Variants in FGF12 observed in about 807,000 individuals in gnomAD.
FGF12 encodes the protein fibroblast growth factor 12B.
FGF12 carries 14 observed loss-of-function variants against 23.6 expected under a neutral mutation model. The ratio of observed to expected loss-of-function variants is 0.59; its 90% CI spans 0.39 to 0.93. The LOEUF is 0.93. FGF12 is among the 40% of genes least tolerant of loss of function. FGF12 has a pLI of 0.00. For missense variants in FGF12, 175 were observed against 217.8 expected (o/e 0.80, Z 1.24); for synonymous variants, 62 against 77.3 (o/e 0.80, Z 1.04).
chr3:192,545,442 C>T (rs1352544054), intron 2 of FGF12, among the ~76,000 whole-genome samples: 1 of 152,212 alleles, frequency 6.6e-6, no homozygotes, highest in African/African-American at 2.4e-5. Flanking sequence ...CTTTCCTCCA[C>T]AACCACTGAT....
intron 2 of FGF12, among the ~76,000 whole-genome samples, chr3:192,668,314 AAAC>A (rs1305551511): frequency 1.3e-5 from 2 of 152,180 alleles, no homozygotes; most frequent in Non-Finnish European, 2.9e-5. Flanking sequence ...AGCGGAGACA[AAAC>A]TACTATTCTA....
At chr3:192,284,108 T>G (rs1248022695) in intron 4 of FGF12, among the ~76,000 whole-genome samples, 5 of 152,040 alleles carry the variant, frequency 3.3e-5, no homozygotes, top group African/African-American at 1.2e-4. Flanking sequence ...TACTAGACAC[T>G]TGCCACTAAT....
At chr3:192,330,924 C>T (rs1466960324) in intron 4 of FGF12, among the ~76,000 whole-genome samples, 1 of 152,044 alleles carries the variant, frequency 6.6e-6, no homozygotes, top group Non-Finnish European at 1.5e-5. Flanking sequence ...AGGTAGCCTA[C>T]AGAATGGGAG....
chr3:192,545,344 A>G (rs926885000), intron 2 of FGF12, among the ~76,000 whole-genome samples: 2 of 152,222 alleles, frequency 1.3e-5, no homozygotes, highest in Non-Finnish European at 2.9e-5. Flanking sequence ...GTGCATCCAC[A>G]TGATAAATGT....
chr3:192,599,617 A>T (rs1714023900), intron 2 of FGF12, among the ~76,000 whole-genome samples: 2 of 152,102 alleles, frequency 1.3e-5, no homozygotes, highest in South Asian at 4.1e-4. Context: ...GAGAGTAATT[A>T]TAATGGAGGG....
chr3:192,499,793 C>T (rs1253615228), intron 2 of FGF12, among the ~76,000 whole-genome samples: 1 of 151,580 alleles, frequency 6.6e-6, no homozygotes, highest in African/African-American at 2.4e-5. Context: ...TGTGATCCGC[C>T]CGCCTCAGCC....
intron 2 of FGF12, among the ~76,000 whole-genome samples, chr3:192,543,667 A>C (rs1725428458): frequency 6.6e-6 from 1 of 152,154 alleles, no homozygotes; most frequent in Non-Finnish European, 1.5e-5. Flanking sequence ...GCCCACAGCG[A>C]GTACTGCCCA....
chr3:192,208,022 C>T (rs1413173959), intron 4 of FGF12, among the ~76,000 whole-genome samples: 1 of 152,156 alleles, frequency 6.6e-6, no homozygotes, highest in African/African-American at 2.4e-5. Context: ...ATTTTAGGAT[C>T]CCAGAGTTCC....
chr3:192,475,556 A>G (rs1732384531), intron 2 of FGF12, among the ~76,000 whole-genome samples: 1 of 152,212 alleles, frequency 6.6e-6, no homozygotes, highest in South Asian at 2.1e-4. Context: ...GGAAAGCACA[A>G]ATTCAAAGAT....
At chr3:192,537,841 G>A (rs1337333163) in intron 2 of FGF12, among the ~76,000 whole-genome samples, 1 of 151,904 alleles carries the variant, frequency 6.6e-6, no homozygotes, top group East Asian at 1.9e-4. Context: ...GCCTGTGTTT[G>A]TGGGGTATTA....
chr3:192,154,135 T>C (rs1240489742), intron 5 of FGF12, among the ~76,000 whole-genome samples: 1 of 117,152 alleles, frequency 8.5e-6, no homozygotes, highest in Non-Finnish European at 1.8e-5. Context: ...ATTCTTCATG[T>C]AGTTCTCGAG....
chr3:192,415,732 TCACA>T (rs572589902), intron 2 of FGF12, among the ~76,000 whole-genome samples: 1,248 of 118,022 alleles, frequency 0.011, 14 homozygotes, highest in African/African-American at 0.026. Flanking sequence ...TCTCTCTCTC[TCACA>T]CACACACACA....
chr3:192,197,073 T>C (rs1260693034), intron 4 of FGF12, among the ~76,000 whole-genome samples: 2 of 152,164 alleles, frequency 1.3e-5, no homozygotes, highest in Non-Finnish European at 2.9e-5. Flanking sequence ...GAATTAATTA[T>C]CTAAAAATTA....
chr3:192,579,065 T>C (rs138135090), intron 2 of FGF12, among the ~76,000 whole-genome samples: 8 of 152,360 alleles, frequency 5.3e-5, no homozygotes, highest in Admixed American at 5.2e-4. Context: ...TTAATGATTT[T>C]CACTAGTTCT....
chr3:192,501,110 TA>T (rs1395946571), intron 2 of FGF12, among the ~76,000 whole-genome samples: 4 of 152,216 alleles, frequency 2.6e-5, no homozygotes, highest in African/African-American at 9.7e-5. Context: ...ATAATTTATA[TA>T]AATGTTTAAA....
At chr3:192,297,593 G>A (rs1174310647) in intron 4 of FGF12, among the ~76,000 whole-genome samples, 1 of 152,098 alleles carries the variant, frequency 6.6e-6, no homozygotes, top group Non-Finnish European at 1.5e-5. Flanking sequence ...ATACCACTTA[G>A]AATTTATATA....
Position 192,459,546 on chromosome 3 carries a change from A to C in FGF12, c.14-99008T>G, listed in dbSNP as rs141018397. Among the ~76,000 whole-genome samples the C allele has an allele frequency of 4.0e-3, 611 of 152,326 alleles. 3 individuals are homozygous for C. The highest frequency in any genetic ancestry group is 8.8e-3 in the Admixed American group (135 of 15,298). On this transcript the variant is annotated intron_variant, in intron 2 of 5. Transcript: ENST00000445105. ...TGATTGCTTCCATGTCTATGGCTAC[A>C]TTCCCATGGGAACCAGACATTTTAA... is the stretch of plus-strand genomic sequence containing the variant.
intron 2 of FGF12, among the ~76,000 whole-genome samples, chr3:192,718,988 TA>T (rs540587523): frequency 1.4e-3 from 204 of 141,780 alleles, no homozygotes; most frequent in Admixed American, 1.8e-3. Flanking sequence ...CAAACCGAGT[TA>T]AAAAAAAAAA....
chr3:192,588,083 C>T (rs560397903), intron 2 of FGF12, among the ~76,000 whole-genome samples: 2 of 151,574 alleles, frequency 1.3e-5, no homozygotes, highest in South Asian at 2.1e-4. Context: ...CAGCAGCTCA[C>T]GCCTGTAATC....
Sources: allele counts gnomAD v4.1 joint callset (sites outside exome capture counted in the v4.1 genomes callset), GRCh38; gene constraint gnomAD v4.1.1; transcripts MANE v1.5; gene names NCBI Gene and HGNC (gene_info 2026-07-23, HGNC 2026-07-21).